The following CD160 variants were observed in gnomAD, a reference collection of about 807,000 sequenced individuals.
CD160 encodes the protein CD160 antigen.
A neutral mutation model predicts 19.2 loss-of-function variants in CD160; 11 were observed. The observed-to-expected ratio is 0.57, with a 90% CI of 0.36 to 0.95. The LOEUF is 0.95. Ranked by LOEUF, CD160 falls within the 40% of genes least tolerant of loss-of-function variation. CD160 has a pLI of 0.01. For synonymous variants in CD160, 75 were observed against 81.1 expected, an observed-to-expected ratio of 0.93 and a Z score of 0.40; for missense variants, 182 against 213.2, an observed-to-expected ratio of 0.85 and a Z score of 0.91.
chr1:145,733,488 T>TC (rs1657374505), intron 4 of CD160, among the ~76,000 whole-genome samples: 1 of 151,970 alleles, frequency 6.6e-6, no homozygotes, highest in East Asian at 1.9e-4. Flanking sequence ...CTCACCACCC[T>TC]CCCCCCATGA....
intron 2 of CD160, among the ~76,000 whole-genome samples, chr1:145,727,701 A>G (rs1213582164): frequency 6.6e-6 from 1 of 152,236 alleles, no homozygotes; most frequent in Admixed American, 6.5e-5. Flanking sequence ...GAAAGTGCCT[A>G]AAAGTTAAGA....
At chr1:145,731,617 C>T (rs1481616153) in intron 4 of CD160, among the ~76,000 whole-genome samples, 1 of 152,106 alleles carries the variant, frequency 6.6e-6, no homozygotes, top group South Asian at 2.1e-4. Context: ...TTGCAGTGAG[C>T]CGAGATTGTG....
chr1:145,738,496 C>G lies in CD160; in HGVS notation c.*3C>G. On this transcript the variant is annotated 3_prime_UTR_variant, in exon 6 of 6. Transcript: ENST00000369288. ...ACTTTCTTTCCACAGCTTTGTAAGC[C>G]TTGTGCCAAAAGAAACTTTTAAAAC... The G allele has an allele frequency of 1.5e-6, 2 of 1,323,486 alleles. No homozygotes were observed. The highest frequency in any genetic ancestry group is 9.7e-7 in the Non-Finnish European group (1 of 1,025,692). The allele number at this position is 1,323,486 out of a possible 1,614,324, so 82.0% of individuals were successfully genotyped here.
rs369170246 is a variant in CD160, at chr1:145,735,980, A to G, written c.401-17A>G. 2.5e-6 allele frequency: 4 copies of G among 1,583,836 alleles called. No individual in the cohort carries two copies. The African/African-American group carries it at 4.1e-5, about 16-fold the overall frequency. ...TTCTGAAACCCTCCCCTGATCCATG[A>G]TTCTCTTTTGAACCAGAGACAGGGA... On this transcript the variant is annotated splice_polypyrimidine_tract_variant and intron_variant, in intron 4 of 5. Coordinates refer to ENST00000369288, the MANE Select transcript of CD160 (RefSeq NM_007053.4).
intron 3 of CD160, 128 bp from the exon 4 acceptor site, chr1:145,730,616 G>A (rs150859720): frequency 8.1e-5 from 56 of 691,598 alleles, no homozygotes; most frequent in South Asian, 2.3e-4. Context: ...TGTATTTCCT[G>A]TCTGCCAGCA....
intron 4 of CD160, among the ~76,000 whole-genome samples, chr1:145,734,863 TC>T (rs1657419122): frequency 6.6e-6 from 1 of 152,154 alleles, no homozygotes; most frequent in Admixed American, 6.5e-5. Context: ...TCCCAGCACT[TC>T]AGGAGGCTGA....
intron 2 of CD160, among the ~76,000 whole-genome samples, chr1:145,725,162 G>A (rs2101374287): frequency 6.6e-6 from 1 of 152,008 alleles, no homozygotes; most frequent in East Asian, 2.0e-4. Context: ...GTTCACGCCT[G>A]TAATCCCAGC....
Position 145,738,977 on chromosome 1 carries a change from T to A in CD160, c.*484T>A. Reference sequence around the variant, plus strand: ...GCCAGATCCAGTGATTGACTTGGCATGAAAATGAGAAAATGCAGACAGACC... The same window carrying A: ...GCCAGATCCAGTGATTGACTTGGCAAGAAAATGAGAAAATGCAGACAGACC... On this transcript the variant is annotated 3_prime_UTR_variant, in exon 6 of 6. Transcript: ENST00000369288. The A allele has an allele frequency of 6.5e-6, 1 of 154,362 alleles. No individual in the cohort carries two copies. Among genetic ancestry groups the A allele is most frequent in the South Asian group, 2.0e-4 (1 of 4,968 alleles). 9.6% of individuals were successfully genotyped at this position (154,362 alleles called of 1,614,324 possible).
chr1:145,736,128 C>T lies in CD160; in HGVS notation c.532C>T (p.Leu178Phe), dbSNP rs150618909. 77 of 1,614,142 alleles carry T rather than the reference C, an allele frequency of 4.8e-5. No homozygotes were observed. In the African/African-American group the frequency reaches 8.0e-4, roughly 17 times the overall value. ...AATGCTGGTCACCAGCCTTGTGGCC[C>T]TTCAAGGTATGTCCAAAAGAGCCGT... ...WVMLVTSLVALQAL is the reference protein window; with the variant it reads ...WVMLVTSLVAFQAL Residue 178 changes from leucine (L) to phenylalanine (F), a missense_variant, in exon 5 of 6, where the codon CTT (leucine) becomes TTT (phenylalanine). Physicochemically the swap from Leu to Phe is conservative, Grantham distance 22. Transcript: ENST00000369288.
chr1:145,725,386 A>AT (rs1553708262), intron 2 of CD160, among the ~76,000 whole-genome samples: 2 of 152,224 alleles, frequency 1.3e-5, no homozygotes, highest in Admixed American at 1.3e-4. Context: ...TGGAAGTTGC[A>AT]GTAAGCCAAG....
At position 145,723,244 on chromosome 1, in the gene CD160, C is replaced by A. The variant is rs116218202; in HGVS notation, c.-178-1557C>A. ...GATAAGTACAGAAGAATTTAACAAT[C>A]GTCTCTACTTAGATTTTCTTTTATG... On this transcript the variant is annotated intron_variant, in intron 1 of 5. Coordinates refer to ENST00000369288, the MANE Select transcript of CD160 (RefSeq NM_007053.4). 4.4e-3 allele frequency among the ~76,000 whole-genome samples: 673 copies of A among 152,152 alleles called. 5 individuals carry two copies. The highest frequency in any genetic ancestry group is 0.016 in the African/African-American group (644 of 41,504).
At chr1:145,730,092 G>A (rs1657225411) in intron 3 of CD160, among the ~76,000 whole-genome samples, 1 of 152,184 alleles carries the variant, frequency 6.6e-6, no homozygotes. Context: ...GGAGGCAGAG[G>A]CAGGAGGGTT....
At chr1:145,734,170 A>C in intron 4 of CD160, among the ~76,000 whole-genome samples, 2 of 152,252 alleles carry the variant, frequency 1.3e-5, no homozygotes, top group South Asian at 4.1e-4. Context: ...GGTGTTTTTC[A>C]GGTCTTCATC....
chr1:145,730,668 A>T, intron 3 of CD160, 76 bp from the exon 4 acceptor site: 1 of 1,177,804 alleles, frequency 8.5e-7, no homozygotes, highest in Non-Finnish European at 1.2e-6. Flanking sequence ...GAAGACTTCT[A>T]GTGATAAGGA....
At chr1:145,719,877 C>G (rs191546581) in intron 1 of CD160, among the ~76,000 whole-genome samples, 1 of 152,254 alleles carries the variant, frequency 6.6e-6, no homozygotes, top group African/African-American at 2.4e-5. Flanking sequence ...TGAGACAAGC[C>G]GGGAGGTGCC....
Position 145,730,945 on chromosome 1 carries a change from C to A in CD160, c.275C>A (p.Ser92Ter), listed in dbSNP as rs1553709127. ...DPGIDGVGEI[S>*]SQLMFTISQV... The stretch of plus-strand genomic sequence containing the variant: ...GGGATAGATGGTGTTGGTGAAATAT[C>A]ATCTCAGTTGATGTTCACCATAAGC... Residue 92 changes from serine to a stop codon, truncating the protein, a stop_gained, in exon 4 of 6, where the codon TCA (serine) becomes TAA (stop). Coordinates refer to ENST00000369288, the MANE Select transcript of CD160 (RefSeq NM_007053.4). LOFTEE classifies it high-confidence loss of function. The A allele has an allele frequency of 6.2e-7, 1 of 1,613,996 alleles. No homozygotes were observed. The highest frequency in any genetic ancestry group is 1.3e-5 in the African/African-American group (1 of 75,032).
At chr1:145,728,804 ATTGTCT>A (rs1266883975) in intron 3 of CD160, among the ~76,000 whole-genome samples, 1 of 151,902 alleles carries the variant, frequency 6.6e-6, no homozygotes, top group African/African-American at 2.4e-5. Context: ...TAAAGAATAT[ATTGTCT>A]TTTTCTTTTT....
chr1:145,736,045 A>G lies in CD160; in HGVS notation c.449A>G (p.Glu150Gly). 1 of 1,614,016 alleles carries G rather than the reference A, an allele frequency of 6.2e-7. No individual in the cohort carries two copies. The highest frequency in any genetic ancestry group is 8.5e-7 in the Non-Finnish European group (1 of 1,179,890). The change falls in exon 5 of 6, where the codon GAG becomes GGG. Residue 150 changes from glutamate (E) to glycine (G), a missense_variant. Physicochemically the swap from Glu to Gly is moderately conservative, Grantham distance 98. Coordinates refer to ENST00000369288, the MANE Select transcript of CD160 (RefSeq NM_007053.4). The part of the protein sequence containing the change: ...VTGLKQRQHL[E>G]FSHNEGTLSS... Reference sequence around the variant, plus strand: ...GGATTGAAACAAAGACAACACCTTGAGTTCAGCCATAATGAAGGCACTCTC... The same window carrying G: ...GGATTGAAACAAAGACAACACCTTGGGTTCAGCCATAATGAAGGCACTCTC...
At chr1:145,734,352 A>G (rs963030591) in intron 4 of CD160, among the ~76,000 whole-genome samples, 2 of 152,164 alleles carry the variant, frequency 1.3e-5, no homozygotes, top group East Asian at 1.9e-4. Context: ...TCCATTCTAC[A>G]TACTACCACC....
Sources: gnomAD v4.1 joint callset for allele counts (sites outside exome capture counted in the v4.1 genomes callset) on GRCh38, gnomAD v4.1.1 for gene constraint, MANE v1.5 for transcripts, NCBI Gene and HGNC (gene_info 2026-07-23, HGNC 2026-07-21) for gene names.